FAM107B: variants seen among roughly 807,000 people sequenced by gnomAD.
FAM107B encodes protein FAM107B.
In FAM107B, 21 loss-of-function variants were observed where a neutral mutation model predicts 31.5. The observed-to-expected ratio is 0.67, with a 90% confidence interval of 0.47 to 0.96. The LOEUF (loss-of-function observed/expected upper bound fraction) is 0.96, where lower values mean the gene tolerates loss of function less well. FAM107B is among the 40% of genes least tolerant of loss of function. The pLI is 0.00. For missense variants in FAM107B, 452 were observed against 377.1 expected, an observed-to-expected ratio of 1.20 and a Z score of -1.64; for synonymous variants, 157 against 141.5, an observed-to-expected ratio of 1.11 and a Z score of -0.78.
At chr10:14,751,568 T>C (rs992060696) in intron 1 of FAM107B, among the ~76,000 whole-genome samples, 27 of 151,686 alleles carry the variant, frequency 1.8e-4, no homozygotes, top group African/African-American at 6.3e-4. Flanking sequence ...AGTGATGTGA[T>C]CAGAGCTCAT....
chr10:14,530,644 C>G, intron 2 of FAM107B, 129 bp from the exon 3 acceptor site: 6 of 829,554 alleles, frequency 7.2e-6, no homozygotes, highest in Non-Finnish European at 1.1e-5. Context: ...TCTGGGGCAT[C>G]GCTGATAAAT....
At chr10:14,527,836 C>G in intron 3 of FAM107B, 1 of 225,490 alleles carries the variant, frequency 4.4e-6, no homozygotes, top group South Asian at 5.0e-5. Flanking sequence ...AATAAAAACC[C>G]CAGTCTCTAA....
chr10:14,533,541 C>T (rs1269116378), intron 2 of FAM107B, among the ~76,000 whole-genome samples: 1 of 152,232 alleles, frequency 6.6e-6, no homozygotes, highest in African/African-American at 2.4e-5. Context: ...GACTGACTCG[C>T]TCTCGTTTAC....
chr10:14,696,694 C>A (rs547518247), intron 1 of FAM107B, among the ~76,000 whole-genome samples: 1 of 152,092 alleles, frequency 6.6e-6, no homozygotes, highest in African/African-American at 2.4e-5. Flanking sequence ...TTTACAGTAA[C>A]AAAATATCCA....
At chr10:14,664,309 T>C (rs1854350486) in intron 2 of FAM107B, among the ~76,000 whole-genome samples, 1 of 152,242 alleles carries the variant, frequency 6.6e-6, no homozygotes, top group South Asian at 2.1e-4. Context: ...ATTTTATTTG[T>C]CTAATGGCTG....
chr10:14,750,813 G>A (rs1301654969), intron 1 of FAM107B, among the ~76,000 whole-genome samples: 2 of 152,164 alleles, frequency 1.3e-5, no homozygotes, highest in Admixed American at 6.5e-5. Flanking sequence ...CCTGGGTGGT[G>A]CATGCTTCTA....
intron 1 of FAM107B, chr10:14,724,185 AAT>A (rs1211948430): frequency 4.7e-6 from 2 of 427,850 alleles, no homozygotes; most frequent in Non-Finnish European, 8.5e-6. Flanking sequence ...ATTTAGCTCT[AAT>A]ATTTGTGTCT....
At chr10:14,609,481 G>GCTAAAGT (rs1852673855) in intron 2 of FAM107B, among the ~76,000 whole-genome samples, 1 of 152,090 alleles carries the variant, frequency 6.6e-6, no homozygotes, top group South Asian at 2.1e-4. Flanking sequence ...GCTGCTAAAG[G>GCTAAAGT]CTAAAGGCTG....
intron 2 of FAM107B, among the ~76,000 whole-genome samples, chr10:14,583,519 A>G (rs1248272562): frequency 6.6e-6 from 1 of 152,018 alleles, no homozygotes; most frequent in African/African-American, 2.4e-5. Flanking sequence ...GTATTCTTTC[A>G]CCTGTGGAAG....
At chr10:14,559,105 A>C (rs1377857788) in intron 2 of FAM107B, among the ~76,000 whole-genome samples, 4 of 106,702 alleles carry the variant, frequency 3.7e-5, no homozygotes, top group Admixed American at 1.9e-4. Flanking sequence ...ACTTCAAAAA[A>C]AAAAAAAAAA....
chr10:14,638,742 C>T (rs1204630490), intron 2 of FAM107B, among the ~76,000 whole-genome samples: 1 of 152,128 alleles, frequency 6.6e-6, no homozygotes, highest in Non-Finnish European at 1.5e-5. Context: ...CTCCTTTTGC[C>T]GTGCTGCAGC....
chr10:14,556,614 CCA>C (rs1259130838), intron 2 of FAM107B, among the ~76,000 whole-genome samples: 1 of 152,240 alleles, frequency 6.6e-6, no homozygotes, highest in Non-Finnish European at 1.5e-5. Flanking sequence ...AGGCCACAAG[CCA>C]CACCTGGCTT....
intron 1 of FAM107B, among the ~76,000 whole-genome samples, chr10:14,727,383 C>A (rs140747786): frequency 2.6e-5 from 4 of 152,218 alleles, no homozygotes; most frequent in African/African-American, 9.6e-5. Flanking sequence ...GCCTGAGCCA[C>A]GTCTCTTAGA....
chr10:14,622,468 G>C (rs745856201), intron 2 of FAM107B, among the ~76,000 whole-genome samples: 14 of 152,000 alleles, frequency 9.2e-5, no homozygotes, highest in Non-Finnish European at 1.6e-4. Flanking sequence ...CACCATGCCT[G>C]GCTAATTTTT....
intron 1 of FAM107B, among the ~76,000 whole-genome samples, chr10:14,759,008 A>G (rs1033256184): frequency 1.3e-5 from 2 of 151,404 alleles, no homozygotes; most frequent in African/African-American, 4.9e-5. Context: ...GAGAAACCCC[A>G]TCTCTACTAA....
chr10:14,624,610 T>A (rs928290409), intron 2 of FAM107B, among the ~76,000 whole-genome samples: 5 of 152,090 alleles, frequency 3.3e-5, no homozygotes, highest in Middle Eastern at 3.4e-3. Context: ...CACACCAGCC[T>A]GGATGACAGA....
At chr10:14,573,692 T>G (rs1308154013) in intron 2 of FAM107B, among the ~76,000 whole-genome samples, 2 of 151,962 alleles carry the variant, frequency 1.3e-5, no homozygotes, top group Non-Finnish European at 2.9e-5. Flanking sequence ...TGCAGTAAGC[T>G]GCATCACCCC....
intron 1 of FAM107B, among the ~76,000 whole-genome samples, chr10:14,673,945 T>C (rs572479695): frequency 1.9e-4 from 29 of 152,206 alleles, no homozygotes; most frequent in Non-Finnish European, 3.7e-4. Context: ...CTTTTGCCTA[T>C]TTTTTAATCA....
chr10:14,657,874 G>A (rs536979117), intron 2 of FAM107B, among the ~76,000 whole-genome samples: 5 of 151,506 alleles, frequency 3.3e-5, no homozygotes, highest in East Asian at 1.9e-4. Context: ...GCAGTGGCGC[G>A]ATCCCAGCTC....
Sources: allele counts gnomAD v4.1 joint callset (sites outside exome capture counted in the v4.1 genomes callset), GRCh38; gene constraint gnomAD v4.1.1; transcripts MANE v1.5; gene names NCBI Gene and HGNC (gene_info 2026-07-23, HGNC 2026-07-21).